KCNQ1: variants seen among roughly 807,000 people sequenced by gnomAD.
KCNQ1 encodes potassium voltage-gated channel subfamily Q member 1.
A neutral mutation model predicts 72.4 loss-of-function variants in KCNQ1; 49 were observed. That is an observed-to-expected ratio of 0.68 (90% confidence interval 0.54 to 0.86). The LOEUF (loss-of-function observed/expected upper bound fraction) is 0.86, where lower values mean the gene tolerates loss of function less well. KCNQ1 is among the 40% of genes least tolerant of loss of function. The pLI, the probability that KCNQ1 is intolerant of heterozygous loss-of-function variation, is 0.00. For missense variants in KCNQ1, 790 were observed against 945.1 expected, an observed-to-expected ratio of 0.84 and a Z score of 2.15; for synonymous variants, 450 against 412.6, an observed-to-expected ratio of 1.09 and a Z score of -1.10.
In KCNQ1 at chr11:2,659,459, T is replaced by C. The variant is rs1213375703; in HGVS notation, c.1394-2502T>C. 1 of 398,496 alleles carries C rather than the reference T, an allele frequency of 2.5e-6. No homozygotes were observed. The highest frequency in any genetic ancestry group is 4.4e-6 in the Non-Finnish European group (1 of 226,050). The allele number at this position is 398,496 out of a possible 1,614,324, so 24.7% of individuals were successfully genotyped here. On this transcript the variant is annotated intron_variant, in intron 10 of 15. Transcript: ENST00000155840. The surrounding 1 kb of genome is among the most constrained non-coding windows in gnomAD (Gnocchi z 4.3). ...TAGTTAATTTCTTTTTATTGCTGGG[T>C]GGTATTCCATTGCATGAATATATAC...
At chr11:2,571,424 C>G in intron 4 of KCNQ1, 21 bp downstream of exon 4, 1 of 1,595,628 alleles carries the variant, frequency 6.3e-7, no homozygotes, top group Non-Finnish European at 8.5e-7. Flanking sequence ...GCCACAAGCT[C>G]CCCCCGCCAT....
Position 2,588,544 on chromosome 11 carries a change from G to A in KCNQ1, c.1252-169G>A, listed in dbSNP as rs1455625931. 1.3e-5 allele frequency among the ~76,000 whole-genome samples: 2 copies of A among 152,204 alleles called. No individual in the cohort carries two copies. The highest frequency in any genetic ancestry group is 3.9e-4 in the East Asian group (2 of 5,192). On this transcript the variant is annotated intron_variant, in intron 9 of 15. Coordinates refer to ENST00000155840, the MANE Select transcript of KCNQ1 (RefSeq NM_000218.3). This position sits in a 1 kb window ranked among gnomAD's most constrained non-coding sequence, Gnocchi z 5.6. ...CCCCCACGTGACCCCCAGCAGCCCT[G>A]CCCTGTCTCTGTGTGAAGACACTGG...
Position 2,627,700 on chromosome 11 carries a change from A to G in KCNQ1, c.1394-34261A>G. On this transcript the variant is annotated intron_variant, in intron 10 of 15. Transcript: ENST00000155840. This position sits in a 1 kb window ranked among gnomAD's most constrained non-coding sequence, Gnocchi z 4.9. ...TGTGTGTGTGTGTGTCTGTATGTAT[A>G]TGTATGTGATGTGTTTATTTGGGAA... 1 of 398,354 alleles carries G rather than the reference A, an allele frequency of 2.5e-6. No homozygotes were observed. Among genetic ancestry groups the G allele is most frequent in the Admixed American group, 4.4e-5 (1 of 22,680 alleles). 24.7% of individuals were successfully genotyped at this position (398,354 alleles called of 1,614,324 possible). A position where few individuals can be genotyped will look rare whatever the true frequency, so the allele number is the denominator to read the frequency against.
intron 15 of KCNQ1, among the ~76,000 whole-genome samples, chr11:2,844,603 C>T (rs1437942343): frequency 8.5e-5 from 13 of 152,136 alleles, no homozygotes; most frequent in Admixed American, 5.9e-4. Context: ...GACTCCCTGC[C>T]GGGAGGAGCT....
chr11:2,570,602 G>A (rs368683407), intron 2 of KCNQ1, 26 bp from the exon 3 acceptor site: 21 of 1,610,686 alleles, frequency 1.3e-5, no homozygotes, highest in African/African-American at 6.7e-5. Flanking sequence ...CCTGCCTGCA[G>A]TGAGCGTCCC....
chr11:2,677,338 T>TA lies in KCNQ1; in HGVS notation c.1514+15258dup. On this transcript the variant is annotated intron_variant, in intron 11 of 15. Coordinates refer to ENST00000155840, the MANE Select transcript of KCNQ1 (RefSeq NM_000218.3). This position sits in a 1 kb window ranked among gnomAD's most constrained non-coding sequence, Gnocchi z 4.5. ...AAATGATGTCAAATGATTTCTCAAA[T>TA]AGAGACTGGGCAGAGTAGACCAGTT... 2 of 398,568 alleles carry TA rather than the reference T, an allele frequency of 5.0e-6. No individual in the cohort carries two copies. Among genetic ancestry groups the TA allele is most frequent in the East Asian group, 7.1e-5 (2 of 28,068 alleles). The allele number at this position is 398,568 out of a possible 1,614,324, so 24.7% of individuals were successfully genotyped here.
At position 2,572,970 on chromosome 11, in the gene KCNQ1, C is replaced by T. The variant is rs193922365; in HGVS notation, c.905C>T (p.Ala302Val). Reference protein sequence around the residue: ...GRVEFGSYADALWWGVVTVTT... With the variant: ...GRVEFGSYADVLWWGVVTVTT... ...GTGGAGTTCGGCAGCTACGCAGATG[C>T]GCTGTGGTGGGGGGTGGTAAGTCGG... The change falls in exon 6 of 16, where the codon GCG becomes GTG. Residue 302 changes from alanine (A) to valine (V), a missense_variant. By Grantham distance (64) the Ala-to-Val change is moderately conservative. Coordinates refer to ENST00000155840, the MANE Select transcript of KCNQ1 (RefSeq NM_000218.3). 14 of 1,613,434 alleles carry T rather than the reference C, an allele frequency of 8.7e-6. No individual in the cohort carries two copies. The highest frequency in any genetic ancestry group is 1.7e-5 in the Admixed American group (1 of 59,976).
rs1484787341 is a variant in KCNQ1, at chr11:2,602,791, T to C, written c.1393+13937T>C. On this transcript the variant is annotated intron_variant, in intron 10 of 15. Transcript: ENST00000155840. The surrounding 1 kb of genome is among the most constrained non-coding windows in gnomAD (Gnocchi z 4.8). ...TAGACTTTTTGTTAACTGTCGAGTT[T>C]TGGGAGATGTTTATATATTCTAGAT... Among the ~76,000 whole-genome samples the C allele has an allele frequency of 6.6e-6, 1 of 152,260 alleles. No individual in the cohort carries two copies. The highest frequency in any genetic ancestry group is 6.5e-5 in the Admixed American group (1 of 15,286).
At chr11:2,576,690 C>T (rs554473432) in intron 6 of KCNQ1, among the ~76,000 whole-genome samples, 18 of 152,244 alleles carry the variant, frequency 1.2e-4, no homozygotes, top group South Asian at 8.3e-4. Flanking sequence ...TGCACCCTGG[C>T]GGGGCAAGGC....
rs373888065 is a variant in KCNQ1 at position 2,683,182 on chromosome 11, G to A, written c.1514+21101G>A. On this transcript the variant is annotated intron_variant, in intron 11 of 15. Transcript: ENST00000155840. This position sits in a 1 kb window ranked among gnomAD's most constrained non-coding sequence, Gnocchi z 4.7. ...TGGGTATTAGCATCTGCATTAAAAG[G>A]CTCCCACTGACAGCTCATGCATTGT... 30 of 398,632 alleles carry A rather than the reference G, an allele frequency of 7.5e-5. No homozygotes were observed. Among genetic ancestry groups the A allele is most frequent in the African/African-American group, 5.7e-4 (28 of 48,740 alleles). 24.7% of individuals were successfully genotyped at this position (398,632 alleles called of 1,614,324 possible).
intron 15 of KCNQ1, among the ~76,000 whole-genome samples, chr11:2,798,813 C>T (rs183610796): frequency 6.6e-5 from 10 of 152,194 alleles, no homozygotes; most frequent in Admixed American, 3.9e-4. Flanking sequence ...AAATTGGTCG[C>T]GTTGTTTGAA....
At chr11:2,761,080 T>G (rs1846385558) in intron 11 of KCNQ1, among the ~76,000 whole-genome samples, 1 of 152,166 alleles carries the variant, frequency 6.6e-6, no homozygotes, top group South Asian at 2.1e-4. Flanking sequence ...AGATCACACG[T>G]GGGCTTGGAG....
Position 2,670,774 on chromosome 11 carries a change from C to G in KCNQ1, c.1514+8693C>G. On this transcript the variant is annotated intron_variant, in intron 11 of 15. Coordinates refer to ENST00000155840, the MANE Select transcript of KCNQ1 (RefSeq NM_000218.3). This position sits in a 1 kb window ranked among gnomAD's most constrained non-coding sequence, Gnocchi z 4.9. Reference sequence around the variant, plus strand: ...CTGGCCAGTGGCTCTTGTGGCTGCCCTCTGCAATAAGAATTCTTCAAGTTC... The same window carrying G: ...CTGGCCAGTGGCTCTTGTGGCTGCCGTCTGCAATAAGAATTCTTCAAGTTC... The G allele has an allele frequency of 2.5e-6, 1 of 398,536 alleles. No homozygotes were observed. The highest frequency in any genetic ancestry group is 4.4e-6 in the Non-Finnish European group (1 of 226,066). 24.7% of individuals were successfully genotyped at this position (398,536 alleles called of 1,614,324 possible).
rs909322260 is a variant in KCNQ1, at chr11:2,725,113, C to A, written c.1515-43731C>A. On this transcript the variant is annotated intron_variant, in intron 11 of 15. Coordinates refer to ENST00000155840, the MANE Select transcript of KCNQ1 (RefSeq NM_000218.3). This position sits in a 1 kb window ranked among gnomAD's most constrained non-coding sequence, Gnocchi z 7.2. The stretch of plus-strand genomic sequence containing the variant: ...CTCACGTCTTGAAGCAGTGCTGGAC[C>A]CGTTTCAGCTCCAGGGGAGAGCCAG... Among the ~76,000 whole-genome samples, 1 of 152,176 alleles carries A rather than the reference C, an allele frequency of 6.6e-6. No homozygotes were observed. The highest frequency in any genetic ancestry group is 2.4e-5 in the African/African-American group (1 of 41,436).
intron 12 of KCNQ1, among the ~76,000 whole-genome samples, chr11:2,771,025 A>C (rs1229449027): frequency 1.3e-5 from 2 of 152,248 alleles, no homozygotes; most frequent in Admixed American, 1.3e-4. Context: ...TCACCCCAGC[A>C]GTAGAGCAGA....
chr11:2,756,020 T>G (rs1846293425), intron 11 of KCNQ1, among the ~76,000 whole-genome samples: 1 of 152,234 alleles, frequency 6.6e-6, no homozygotes, highest in South Asian at 2.1e-4. Flanking sequence ...AACCACAGTC[T>G]GACCATTGGG....
rs1848725019 is a variant in KCNQ1 at position 2,595,753 on chromosome 11, T to G, written c.1393+6899T>G. Reference sequence around the variant, plus strand: ...ACAACATCCATTCTGCAGCCCATAATCAAGGAGTAATGCCAACTTTGAAGT... The same window carrying G: ...ACAACATCCATTCTGCAGCCCATAAGCAAGGAGTAATGCCAACTTTGAAGT... On this transcript the variant is annotated intron_variant, in intron 10 of 15. Coordinates refer to ENST00000155840, the MANE Select transcript of KCNQ1 (RefSeq NM_000218.3). This position sits in a 1 kb window ranked among gnomAD's most constrained non-coding sequence, Gnocchi z 5.0. 6.6e-6 allele frequency among the ~76,000 whole-genome samples: 1 copy of G among 152,212 alleles called. No homozygotes were observed. The highest frequency in any genetic ancestry group is 2.1e-4 in the South Asian group (1 of 4,828).
intron 15 of KCNQ1, among the ~76,000 whole-genome samples, chr11:2,799,345 T>G (rs1178056778): frequency 6.6e-6 from 1 of 152,020 alleles, no homozygotes; most frequent in Non-Finnish European, 1.5e-5. Context: ...AAGTGGAATG[T>G]GATGTTTAAC....
chr11:2,545,526 T>TAGTTATATTC (rs1847891678), intron 2 of KCNQ1, among the ~76,000 whole-genome samples: 2 of 152,208 alleles, frequency 1.3e-5, no homozygotes, highest in Non-Finnish European at 2.9e-5. Flanking sequence ...TAATTGATAA[T>TAGTTATATTC]AGTTATATTC....
Sources: gnomAD v4.1 joint callset for allele counts (sites outside exome capture counted in the v4.1 genomes callset) on GRCh38, gnomAD v4.1.1 for gene constraint, Gnocchi (gnomAD v3.1) non-coding constraint, MANE v1.5 for transcripts, NCBI Gene and HGNC (gene_info 2026-07-23, HGNC 2026-07-21) for gene names.